SLC23A1: variants seen among roughly 807,000 people sequenced by gnomAD.
SLC23A1 encodes the protein solute carrier family 23 member 1.
A neutral mutation model predicts 62.5 loss-of-function variants in SLC23A1; 31 were observed. The ratio of observed to expected loss-of-function variants is 0.50; its 90% CI spans 0.37 to 0.67. The LOEUF (loss-of-function observed/expected upper bound fraction) is 0.67, where lower values mean the gene tolerates loss of function less well. Among genes scored for constraint, SLC23A1 ranks in the 30% least tolerant of loss-of-function variants. The pLI is 0.00. For missense variants in SLC23A1, 640 were observed against 782.7 expected, an observed-to-expected ratio of 0.82 and a Z score of 2.18; for synonymous variants, 271 against 313.2, an observed-to-expected ratio of 0.87 and a Z score of 1.42.
chr5:139,380,451 C>T, intron 5 of SLC23A1, 62 bp from the exon 6 acceptor site: 1 of 1,605,762 alleles, frequency 6.2e-7, no homozygotes, highest in Non-Finnish European at 8.5e-7. Context: ...CTGCTGCTAG[C>T]AGGAACAAAG....
In SLC23A1 at chr5:139,378,485, C is replaced by T. The variant is rs1758063584; in HGVS notation, c.1179+94G>A. ...ATGCGGGGGCGAGGCCTCTCAAAGA[C>T]AGGGTGGGGCTAAACCAAAGTGGGG... On this transcript the variant is annotated intron_variant, in intron 10 of 14. Transcript: ENST00000348729. This position sits in a 1 kb window ranked among gnomAD's most constrained non-coding sequence, Gnocchi z 4.5. The T allele has an allele frequency of 7.0e-7, 1 of 1,427,200 alleles. No individual in the cohort carries two copies. Among genetic ancestry groups the T allele is most frequent in the Non-Finnish European group, 9.6e-7 (1 of 1,039,266 alleles). 88.4% of individuals were successfully genotyped at this position (1,427,200 alleles called of 1,614,324 possible). A position where few individuals can be genotyped will look rare whatever the true frequency, so the allele number is the denominator to read the frequency against.
chr5:139,373,779 A>G (rs981163025), intron 13 of SLC23A1, among the ~76,000 whole-genome samples: 3 of 152,044 alleles, frequency 2.0e-5, no homozygotes, highest in African/African-American at 7.3e-5. Context: ...CTGGAAGAGA[A>G]ACCTTGATTG....
chr5:139,380,684 G>T, intron 4 of SLC23A1, 52 bp from the exon 5 acceptor site: 1 of 1,525,656 alleles, frequency 6.6e-7, no homozygotes, highest in Non-Finnish European at 9.1e-7. Flanking sequence ...AGACAGAGAG[G>T]GAGAGAAGAT....
At position 139,379,292 on chromosome 5, in the gene SLC23A1, C is replaced by G; in HGVS notation, c.988G>C (p.Ala330Pro). 6.2e-7 allele frequency: 1 copy of G among 1,614,182 alleles called. No individual in the cohort carries two copies. The highest frequency in any genetic ancestry group is 8.5e-7 in the Non-Finnish European group (1 of 1,179,998). ...TCTCCGATGGACTCAATGATGCCTG[C>G]CAGAGTGGCGCTGAACATTCCCAGG... ...AVLGMFSATL[A>P]GIIESIGDYY... Residue 330 changes from alanine (A) to proline (P), a missense_variant, in exon 9 of 15, where the codon GCA (alanine) becomes CCA (proline). Physicochemically the swap from Ala to Pro is conservative, Grantham distance 27. Coordinates refer to ENST00000348729, the MANE Select transcript of SLC23A1 (RefSeq NM_005847.5). This position sits in a 1 kb window ranked among gnomAD's most constrained non-coding sequence, Gnocchi z 4.7.
rs764224828 is a variant in SLC23A1, at chr5:139,377,470, A to G, written c.1481T>C (p.Ile494Thr). 3.1e-6 allele frequency: 5 copies of G among 1,610,664 alleles called. No individual in the cohort carries two copies. The highest frequency in any genetic ancestry group is 1.7e-5 in the Admixed American group (1 of 60,022). ...TGILEVDQIL[I>T]VLLTTEMFVG... Reference sequence around the variant, plus strand: ...AAACATCTCCGTGGTCAGCAGCACAATCAGAATCTGATCCACTTCAAGAAT... The same window carrying G: ...AAACATCTCCGTGGTCAGCAGCACAGTCAGAATCTGATCCACTTCAAGAAT... The change falls in exon 13 of 15, where the codon ATT (isoleucine) becomes ACT (threonine). Residue 494 changes from isoleucine (I) to threonine (T), a missense_variant. By Grantham distance (89) the Ile-to-Thr change is moderately conservative. Coordinates refer to ENST00000348729, the MANE Select transcript of SLC23A1 (RefSeq NM_005847.5).
intron 5 of SLC23A1, 36 bp downstream of exon 5, chr5:139,380,529 G>T: frequency 6.2e-7 from 1 of 1,608,788 alleles, no homozygotes; most frequent in Non-Finnish European, 8.5e-7. Flanking sequence ...CCCCTCCTCA[G>T]GACCCGGCCT....
chr5:139,377,437 C>T lies in SLC23A1; in HGVS notation c.1514G>A (p.Gly505Glu), dbSNP rs1758000755. ...GTTGTCAAGTATGAAAGCAAGGCAC[C>T]CGCCCACAAACATCTCCGTGGTCAG... ...VLLTTEMFVG[G>E]CLAFILDNTV... The change falls in exon 13 of 15, where the codon GGG (glycine) becomes GAG (glutamate). Residue 505 changes from glycine (G) to glutamate (E), a missense_variant. Physicochemically the swap from Gly to Glu is moderately conservative, Grantham distance 98. Transcript: ENST00000348729. 2 of 1,610,760 alleles carry T rather than the reference C, an allele frequency of 1.2e-6. No individual in the cohort carries two copies. Among genetic ancestry groups the T allele is most frequent in the Non-Finnish European group, 1.7e-6 (2 of 1,177,008 alleles).
At chr5:139,373,608 C>T (rs1448378199) in intron 13 of SLC23A1, among the ~76,000 whole-genome samples, 4 of 152,220 alleles carry the variant, frequency 2.6e-5, no homozygotes, top group African/African-American at 9.6e-5. Flanking sequence ...GGAATTTCCA[C>T]TTGCTGGCAG....
intron 13 of SLC23A1, among the ~76,000 whole-genome samples, chr5:139,372,912 C>G (rs1757753861): frequency 6.6e-6 from 1 of 152,010 alleles, no homozygotes; most frequent in Non-Finnish European, 1.5e-5. Context: ...AAGAAAGGGA[C>G]AAAAAGTTAA....
intron 5 of SLC23A1, 79 bp from the exon 6 acceptor site, chr5:139,380,468 G>A: frequency 6.3e-7 from 1 of 1,594,042 alleles, no homozygotes; most frequent in Non-Finnish European, 8.6e-7. Context: ...AAAGCTCCTG[G>A]ACCACCTCCT....
At chr5:139,376,177 A>ATTTTTTTTTTTTT (rs1554159745) in intron 13 of SLC23A1, among the ~76,000 whole-genome samples, 3 of 142,470 alleles carry the variant, frequency 2.1e-5, no homozygotes, top group Non-Finnish European at 3.0e-5. Flanking sequence ...CGATGTTTTA[A>ATTTTTTTTTTTTT]TTTTTTTTTT....
At position 139,381,980 on chromosome 5, in the gene SLC23A1, G is replaced by A. The variant is rs569370877; in HGVS notation, c.220C>T (p.His74Tyr). 1.1e-4 allele frequency: 183 copies of A among 1,602,718 alleles called. 2 individuals are homozygous for A. The South Asian group carries it at 2.0e-3, about 17-fold the overall frequency. Residue 74 changes from histidine (H) to tyrosine (Y), a missense_variant, in exon 3 of 15, where the codon CAC becomes TAC. Transcript: ENST00000348729. ...FLLAEALCVGHDQHMVSQLIG... is the reference protein window; with the variant it reads ...FLLAEALCVGYDQHMVSQLIG... ...AGCTGACTAACCATGTGCTGGTCGTGGCCCACACACAGCGCCTCAGCCAGC... is the reference window on the plus strand; with the variant it reads ...AGCTGACTAACCATGTGCTGGTCGTAGCCCACACACAGCGCCTCAGCCAGC...
chr5:139,384,337 A>G, upstream of SLC23A1: 2 of 1,271,250 alleles, frequency 1.6e-6, no homozygotes, highest in South Asian at 2.6e-5. Flanking sequence ...CCCCAGCCCC[A>G]GCACTCTAGA....
At chr5:139,375,425 G>A (rs1757899906) in intron 13 of SLC23A1, among the ~76,000 whole-genome samples, 1 of 152,198 alleles carries the variant, frequency 6.6e-6, no homozygotes, top group African/African-American at 2.4e-5. Context: ...CAGCTCTTCA[G>A]GAGGCCGAGA....
chr5:139,376,960 A>C (rs1205152449), intron 13 of SLC23A1, among the ~76,000 whole-genome samples: 1 of 152,064 alleles, frequency 6.6e-6, no homozygotes, highest in African/African-American at 2.4e-5. Context: ...CATCTCTACC[A>C]AAAATATGAA....
At chr5:139,373,214 G>T (rs1380809042) in intron 13 of SLC23A1, among the ~76,000 whole-genome samples, 1 of 151,792 alleles carries the variant, frequency 6.6e-6, no homozygotes, top group Non-Finnish European at 1.5e-5. Context: ...GTCTTGCTCT[G>T]TTGCCCAGGA....
chr5:139,385,464 T>C (rs1414546528), upstream of SLC23A1, among the ~76,000 whole-genome samples: 2 of 151,798 alleles, frequency 1.3e-5, no homozygotes, highest in African/African-American at 2.4e-5. Context: ...TGAACAGCCA[T>C]TGGGTGTAGA....
In SLC23A1 at chr5:139,382,066, A is replaced by G. The variant is rs1251334681; in HGVS notation, c.151-17T>C. On this transcript the variant is annotated splice_polypyrimidine_tract_variant and intron_variant, in intron 2 of 14. Coordinates refer to ENST00000348729, the MANE Select transcript of SLC23A1 (RefSeq NM_005847.5). ...CAGGTAGTGCTGGGCAGAGGGAGAC[A>G]GCAGAGTGCATGAGGCAGGACCCCA... 6.2e-7 allele frequency: 1 copy of G among 1,602,266 alleles called. No homozygotes were observed. The highest frequency in any genetic ancestry group is 8.5e-7 in the Non-Finnish European group (1 of 1,174,228).
rs1758331936 is a variant in SLC23A1 at position 139,382,596 on chromosome 5, T to A, written c.46A>T (p.Thr16Ser). The change falls in exon 2 of 15, where the codon ACC (threonine) becomes TCC (serine). Residue 16 changes from threonine (T) to serine (S), a missense_variant. Coordinates refer to ENST00000348729, the MANE Select transcript of SLC23A1 (RefSeq NM_005847.5). ...DLEGRTQHET[T>S]RDPSTPLPTE... is the part of the protein sequence containing the mutation. ...GGTAGCGGGGTCGAGGGGTCCCTGG[T>A]GGTTTCATGCTGGAGGCAGCAGAGA... 6.2e-7 allele frequency: 1 copy of A among 1,608,856 alleles called. No individual in the cohort carries two copies.
Sources: gnomAD v4.1 joint callset for allele counts (sites outside exome capture counted in the v4.1 genomes callset) on GRCh38, gnomAD v4.1.1 for gene constraint, Gnocchi (gnomAD v3.1) non-coding constraint, MANE v1.5 for transcripts, NCBI Gene and HGNC (gene_info 2026-07-23, HGNC 2026-07-21) for gene names.